The following HYDIN variants were observed in gnomAD, a reference collection of about 807,000 sequenced individuals.
The protein encoded by HYDIN is axonemal central pair apparatus protein HYDIN.
HYDIN carries 132 observed loss-of-function variants against 403.9 expected under a neutral mutation model. The ratio of observed to expected loss-of-function variants is 0.33; its 90% confidence interval spans 0.28 to 0.38. The LOEUF (loss-of-function observed/expected upper bound fraction) is 0.38, where lower values mean the gene tolerates loss of function less well. Among genes scored for constraint, HYDIN ranks in the 10% least tolerant of loss-of-function variants. The pLI is 1.00. For synonymous variants in HYDIN, 1,202 were observed against 1,891.7 expected, an observed-to-expected ratio of 0.64 and a Z score of 9.46; for missense variants, 2,827 against 5,009.5, an observed-to-expected ratio of 0.56 and a Z score of 13.15.
chr16:71,217,638 T>G (rs2088960589), intron 1 of HYDIN, among the ~76,000 whole-genome samples: 1 of 152,224 alleles, frequency 6.6e-6, no homozygotes, highest in South Asian at 2.1e-4. Context: ...ATTAGCCAGC[T>G]GCACCCTCAT....
intron 23 of HYDIN, among the ~76,000 whole-genome samples, chr16:71,003,091 C>T (rs28861087): frequency 2.0e-5 from 3 of 152,142 alleles, no homozygotes; most frequent in South Asian, 2.1e-4. Flanking sequence ...TGTTTCCATA[C>T]ATGTAAGGGC....
chr16:71,182,174 G>A (rs895687492), intron 3 of HYDIN, among the ~76,000 whole-genome samples: 1 of 152,154 alleles, frequency 6.6e-6, no homozygotes, highest in South Asian at 2.1e-4. Flanking sequence ...AAAGAGGTCC[G>A]TGAGGAAGGC....
At chr16:71,017,483 T>A (rs570121708) in intron 23 of HYDIN, among the ~76,000 whole-genome samples, 1 of 152,310 alleles carries the variant, frequency 6.6e-6, no homozygotes, top group African/African-American at 2.4e-5. Flanking sequence ...TCCCCAGCTA[T>A]GTAGAACTGT....
At chr16:70,883,876 T>C in intron 59 of HYDIN, 44 bp downstream of exon 59, 1 of 1,577,596 alleles carries the variant, frequency 6.3e-7, no homozygotes, top group Non-Finnish European at 8.6e-7. Context: ...AGGTCTCAGA[T>C]GAACACCTTT....
At chr16:71,179,689 G>A (rs1241626589) in intron 3 of HYDIN, among the ~76,000 whole-genome samples, 1 of 152,192 alleles carries the variant, frequency 6.6e-6, no homozygotes, top group Non-Finnish European at 1.5e-5. Flanking sequence ...CTCATTTCCT[G>A]TTCTATTTTG....
At chr16:71,030,927 A>C (rs1291504404) in intron 19 of HYDIN, among the ~76,000 whole-genome samples, 2 of 151,868 alleles carry the variant, frequency 1.3e-5, no homozygotes, top group African/African-American at 4.8e-5. Context: ...GTGACCGGGC[A>C]CGGTGGCTCA....
At chr16:71,152,244 T>TA (rs55721731) in intron 7 of HYDIN, among the ~76,000 whole-genome samples, 2 of 151,944 alleles carry the variant, frequency 1.3e-5, no homozygotes, top group African/African-American at 2.4e-5. Flanking sequence ...TTTTTTTTTT[T>TA]ATCTTGTGGA....
At chr16:71,139,611 T>G (rs1029958291) in intron 7 of HYDIN, among the ~76,000 whole-genome samples, 1 of 151,816 alleles carries the variant, frequency 6.6e-6, no homozygotes, top group Non-Finnish European at 1.5e-5. Flanking sequence ...TAGAAAAAAT[T>G]CAAAATAAAT....
intron 23 of HYDIN, among the ~76,000 whole-genome samples, chr16:71,016,893 T>A (rs1413384242): frequency 1.3e-5 from 2 of 152,004 alleles, no homozygotes; most frequent in Admixed American, 1.3e-4. Context: ...TGACGTGGTT[T>A]GGCTCTCTGT....
At chr16:71,086,289 C>T (rs1314976930) in intron 12 of HYDIN, among the ~76,000 whole-genome samples, 2 of 152,144 alleles carry the variant, frequency 1.3e-5, no homozygotes, top group Non-Finnish European at 2.9e-5. Flanking sequence ...TGAGTTCTTG[C>T]ACCTAATATA....
chr16:71,199,180 G>A (rs535161160), intron 1 of HYDIN, among the ~76,000 whole-genome samples: 4 of 152,226 alleles, frequency 2.6e-5, no homozygotes, highest in South Asian at 2.1e-4. Flanking sequence ...TTTCTATTAG[G>A]TTATCTTTTT....
rs141223232 is a variant in HYDIN, at chr16:71,027,626, G to A, written c.3018C>T (p.Leu1006=). 420 of 1,613,670 alleles carry A rather than the reference G, an allele frequency of 2.6e-4. 2 individuals are homozygous for A. In the Middle Eastern group the frequency reaches 2.6e-3, roughly 10 times the overall value. ...LYPGQAIDVI[L]EGYSATPRIV... ...CCCTGGGAGTAGCAGAATAGCCTTCGAGTATCACATCAATTGCCTGGCCTG... is the reference window on the plus strand; with the variant it reads ...CCCTGGGAGTAGCAGAATAGCCTTCAAGTATCACATCAATTGCCTGGCCTG... Residue 1006 remains leucine (L), a synonymous_variant, in exon 20 of 86, where the codon CTC becomes CTT. Transcript: ENST00000393567.
chr16:70,960,088 A>G (rs572529802), intron 38 of HYDIN, among the ~76,000 whole-genome samples: 26 of 152,126 alleles, frequency 1.7e-4, no homozygotes, highest in African/African-American at 5.3e-4. Context: ...TAGAAAGGAC[A>G]TTTGTGTGGA....
intron 18 of HYDIN, among the ~76,000 whole-genome samples, chr16:71,060,069 C>T (rs545610342): frequency 6.6e-6 from 1 of 151,974 alleles, no homozygotes; most frequent in Non-Finnish European, 1.5e-5. Flanking sequence ...CAAAAGGACT[C>T]AAATTAAAGG....
At chr16:71,056,072 C>T (rs2077514) in intron 18 of HYDIN, among the ~76,000 whole-genome samples, 31 of 151,300 alleles carry the variant, frequency 2.0e-4, no homozygotes, top group Admixed American at 2.0e-3. Flanking sequence ...AAGCAGAGCG[C>T]GCATTCTCCT....
At chr16:71,063,846 A>C (rs1487958270) in intron 16 of HYDIN, among the ~76,000 whole-genome samples, 1 of 151,834 alleles carries the variant, frequency 6.6e-6, no homozygotes, top group Non-Finnish European at 1.5e-5. Context: ...TTCGTCTTCA[A>C]GTTTCCATTA....
chr16:70,853,998 G>T (rs1187433825), intron 73 of HYDIN, among the ~76,000 whole-genome samples: 2 of 148,558 alleles, frequency 1.3e-5, no homozygotes, highest in Non-Finnish European at 3.0e-5. Context: ...TCCTGCCTCA[G>T]CCTCCCAAGT....
chr16:70,891,161 T>C (rs898975820), intron 57 of HYDIN, among the ~76,000 whole-genome samples: 2 of 152,194 alleles, frequency 1.3e-5, no homozygotes, highest in Non-Finnish European at 2.9e-5. Flanking sequence ...ACTGGTGATT[T>C]CGTGTATAGT....
At chr16:70,941,950 G>C (rs868750588) in intron 42 of HYDIN, 131 bp from the exon 43 acceptor site, 2 of 439,952 alleles carry the variant, frequency 4.5e-6, no homozygotes, top group Middle Eastern at 5.1e-4. Context: ...CTTTCTGCTT[G>C]CTAAATCCAA....
Sources: gnomAD v4.1 joint callset for allele counts (sites outside exome capture counted in the v4.1 genomes callset) on GRCh38, gnomAD v4.1.1 for gene constraint, MANE v1.5 for transcripts, NCBI Gene and HGNC (gene_info 2026-07-23, HGNC 2026-07-21) for gene names.